Variants in ESRRB observed in about 807,000 individuals in gnomAD.
ESRRB encodes steroid hormone receptor ERR2.
In ESRRB, 16 loss-of-function variants were observed where a neutral mutation model predicts 46.0. The ratio of observed to expected loss-of-function variants is 0.35; its 90% CI spans 0.24 to 0.53. The LOEUF is 0.53. Ranked by LOEUF, ESRRB falls within the 20% of genes least tolerant of loss-of-function variation. ESRRB has a pLI of 0.93. For missense variants in ESRRB, 488 were observed against 607.4 expected, an observed-to-expected ratio of 0.80 and a Z score of 2.07; for synonymous variants, 246 against 259.6, an observed-to-expected ratio of 0.95 and a Z score of 0.50.
At chr14:76,491,277 G>T (rs1199465333) in intron 5 of ESRRB, among the ~76,000 whole-genome samples, 170 bp from the exon 6 acceptor site, 1 of 152,212 alleles carries the variant, frequency 6.6e-6, no homozygotes, top group African/African-American at 2.4e-5. Context: ...CCAAGGGGAG[G>T]ACAGTGAGTC....
chr14:76,438,876 C>G (rs764718247), intron 1 of ESRRB, among the ~76,000 whole-genome samples: 5 of 152,052 alleles, frequency 3.3e-5, no homozygotes, highest in Non-Finnish European at 7.4e-5. Context: ...TCATAGCTCA[C>G]TACAGCCTTA....
chr14:76,333,038 A>ATT (rs1884059792), intron 1 of ESRRB, among the ~76,000 whole-genome samples: 2 of 6,896 alleles, frequency 2.9e-4, no homozygotes, highest in African/African-American at 4.0e-4. Flanking sequence ...TATATATATT[A>ATT]TATATTATAT....
intron 1 of ESRRB, among the ~76,000 whole-genome samples, chr14:76,396,104 C>T (rs1318134767): frequency 6.6e-6 from 1 of 152,052 alleles, no homozygotes; most frequent in Admixed American, 6.6e-5. Context: ...TCCCAGGAGG[C>T]AGAGGTTGCA....
At chr14:76,497,826 C>T (rs1890491649) in intron 6 of ESRRB, among the ~76,000 whole-genome samples, 1 of 152,166 alleles carries the variant, frequency 6.6e-6, no homozygotes. Flanking sequence ...CTGTTTAACT[C>T]CTTTAAGCCC....
At chr14:76,322,117 ATT>A (rs987133665) in intron 1 of ESRRB, among the ~76,000 whole-genome samples, 2 of 152,042 alleles carry the variant, frequency 1.3e-5, no homozygotes, top group African/African-American at 2.4e-5. Flanking sequence ...CTTTTTATGT[ATT>A]TTCTTTAAAA....
chr14:76,364,730 C>A (rs1347008395), intron 1 of ESRRB, among the ~76,000 whole-genome samples: 1 of 150,644 alleles, frequency 6.6e-6, no homozygotes, highest in Non-Finnish European at 1.5e-5. Context: ...TGGACAGTTG[C>A]CTTTTTCTGT....
At chr14:76,358,319 AAAAAAAAGAAAGAAAGAAAGAAAGAAAG>A (rs1566859579) in intron 1 of ESRRB, among the ~76,000 whole-genome samples, 13 of 79,990 alleles carry the variant, frequency 1.6e-4, no homozygotes, top group African/African-American at 4.2e-4. Flanking sequence ...CTCAAAAAAA[AAAAAAAAGAAAGAAAGAAAGAAAGAAAG>A]AAAGAAAGAA....
intron 1 of ESRRB, among the ~76,000 whole-genome samples, chr14:76,336,848 G>T (rs576292515): frequency 6.6e-6 from 1 of 152,176 alleles, no homozygotes; most frequent in Non-Finnish European, 1.5e-5. Context: ...TTACATTTAT[G>T]GGGGTGGGGG....
At chr14:76,486,401 A>G (rs1215817821) in intron 5 of ESRRB, among the ~76,000 whole-genome samples, 1 of 152,136 alleles carries the variant, frequency 6.6e-6, no homozygotes, top group East Asian at 1.9e-4. Flanking sequence ...ATCTGACTCA[A>G]TGAAATATGA....
upstream of ESRRB, among the ~76,000 whole-genome samples, chr14:76,372,442 C>T (rs1884647179): frequency 6.6e-6 from 1 of 152,098 alleles, no homozygotes; most frequent in South Asian, 2.1e-4. Context: ...CTCTGTCCAC[C>T]AGGTAAAGAG....
intron 1 of ESRRB, among the ~76,000 whole-genome samples, chr14:76,343,521 G>A (rs12587221): frequency 0.16 from 24,437 of 152,220 alleles, 2,054 homozygotes; most frequent in South Asian, 0.22. Flanking sequence ...ATCAAGCTGG[G>A]GTGGCTCAGC....
chr14:76,314,266 G>A (rs983607528), intron 1 of ESRRB, among the ~76,000 whole-genome samples: 61 of 152,330 alleles, frequency 4.0e-4, no homozygotes, highest in African/African-American at 1.4e-3. Context: ...TGTGGTGCAA[G>A]CTCTGAAGCT....
rs192731728 is a variant in ESRRB, at chr14:76,385,867, A to C, written c.50+9416A>C. On this transcript the variant is annotated intron_variant, in intron 1 of 6. Transcript: ENST00000644823. ...ATTTACATGCTTTTCCCAGAACTAC[A>C]GAAATTAGATGTGTAGATTCTCTTT... 7.0e-4 allele frequency among the ~76,000 whole-genome samples: 107 copies of C among 152,324 alleles called. 1 individual carries two copies. The Middle Eastern group carries it at 0.017, about 24-fold the overall frequency.
At chr14:76,411,381 G>T (rs896469591) in intron 1 of ESRRB, among the ~76,000 whole-genome samples, 1 of 152,076 alleles carries the variant, frequency 6.6e-6, no homozygotes, top group Non-Finnish European at 1.5e-5. Context: ...CTGGGAGAAA[G>T]AGGATGCAGT....
chr14:76,327,492 TG>T (rs1387613001), intron 1 of ESRRB, among the ~76,000 whole-genome samples: 4 of 151,994 alleles, frequency 2.6e-5, no homozygotes, highest in African/African-American at 9.7e-5. Context: ...ATGATAATGA[TG>T]ATGATGATGA....
intron 3 of ESRRB, among the ~76,000 whole-genome samples, chr14:76,480,629 G>T (rs950513116): frequency 2.6e-5 from 4 of 152,142 alleles, no homozygotes; most frequent in African/African-American, 9.7e-5. Flanking sequence ...ACTTCCCCTT[G>T]CCTGTTCTGG....
At chr14:76,444,488 G>T (rs1331439836) in intron 2 of ESRRB, among the ~76,000 whole-genome samples, 2 of 151,972 alleles carry the variant, frequency 1.3e-5, no homozygotes, top group African/African-American at 4.8e-5. Context: ...AGGTGCAGAG[G>T]GGGAGCAGGA....
chr14:76,350,563 C>A (rs1884302216), intron 1 of ESRRB, among the ~76,000 whole-genome samples: 1 of 152,210 alleles, frequency 6.6e-6, no homozygotes, highest in Non-Finnish European at 1.5e-5. Context: ...GGGACTGAGT[C>A]ACTCCCCAGT....
chr14:76,482,156 T>G lies in ESRRB; in HGVS notation c.688+30T>G, dbSNP rs1235267672. 10 of 1,509,010 alleles carry G rather than the reference T, an allele frequency of 6.6e-6. No individual in the cohort carries two copies. Among genetic ancestry groups the G allele is most frequent in the Non-Finnish European group, 9.2e-6 (10 of 1,084,592 alleles). 93.5% of individuals were successfully genotyped at this position (1,509,010 alleles called of 1,614,324 possible). ...GTGTCAGGGCAGTCCCTGCCCCTTTTGCCAGCATCTGTACCTGGAACATCA... is the reference window on the plus strand; with the variant it reads ...GTGTCAGGGCAGTCCCTGCCCCTTTGGCCAGCATCTGTACCTGGAACATCA... On this transcript the variant is annotated intron_variant, in intron 4 of 6. Transcript: ENST00000644823. This position sits in a 1 kb window ranked among gnomAD's most constrained non-coding sequence, Gnocchi z 4.3.
Sources: gnomAD v4.1 joint callset for allele counts (sites outside exome capture counted in the v4.1 genomes callset) on GRCh38, gnomAD v4.1.1 for gene constraint, Gnocchi (gnomAD v3.1) non-coding constraint, MANE v1.5 for transcripts, NCBI Gene and HGNC (gene_info 2026-07-23, HGNC 2026-07-21) for gene names.